Variants in QRFP observed in about 807,000 individuals in gnomAD.
QRFP encodes the protein orexigenic neuropeptide QRFP.
In QRFP, 7 loss-of-function variants were observed where a neutral mutation model predicts 9.1. That is an observed-to-expected ratio of 0.77 (90% CI 0.44 to 1.45). The LOEUF is 1.45. Ranked by LOEUF, QRFP falls within the 40% of genes most tolerant of loss-of-function variation. QRFP has a pLI of 0.01. For missense variants in QRFP, 204 were observed against 185.4 expected, an observed-to-expected ratio of 1.10 and a Z score of -0.58; for synonymous variants, 91 against 80.2, an observed-to-expected ratio of 1.13 and a Z score of -0.72.
Position 130,893,152 on chromosome 9 carries a change from A to T in QRFP, c.*276T>A. ...GCCTCAGCTCCGTGCCCCTGGGGCCAGGGGGCTGCTCGGAGTCAAAGCCCC... is the reference window on the plus strand; with the variant it reads ...GCCTCAGCTCCGTGCCCCTGGGGCCTGGGGGCTGCTCGGAGTCAAAGCCCC... On this transcript the variant is annotated 3_prime_UTR_variant, in exon 3 of 3. Transcript: ENST00000623824. 3.2e-6 allele frequency: 1 copy of T among 314,184 alleles called. No homozygotes were observed. Among genetic ancestry groups the T allele is most frequent in the Non-Finnish European group, 5.8e-6 (1 of 172,094 alleles). The allele number at this position is 314,184 out of a possible 1,614,324, so 19.5% of individuals were successfully genotyped here. A position where few individuals can be genotyped will look rare whatever the true frequency, so the allele number is the denominator to read the frequency against.
Position 130,893,357 on chromosome 9 carries a change from G to C in QRFP, c.*71C>G, listed in dbSNP as rs926151071. On this transcript the variant is annotated 3_prime_UTR_variant, in exon 3 of 3. Transcript: ENST00000623824. ...CTGGGTGTCGTGGTCTTTGAGACTGGGGGAGAAGGCAGGAGTGAAGACAAT... is the reference window on the plus strand; with the variant it reads ...CTGGGTGTCGTGGTCTTTGAGACTGCGGGAGAAGGCAGGAGTGAAGACAAT... 2 of 1,455,728 alleles carry C rather than the reference G, an allele frequency of 1.4e-6. No individual in the cohort carries two copies. Among genetic ancestry groups the C allele is most frequent in the African/African-American group, 1.4e-5 (1 of 70,524 alleles). The allele number at this position is 1,455,728 out of a possible 1,614,324, so 90.2% of individuals were successfully genotyped here.
At position 130,893,467 on chromosome 9, in the gene QRFP, C is replaced by T; in HGVS notation, c.372G>A (p.Arg124=). The T allele has an allele frequency of 1.3e-6, 2 of 1,592,544 alleles. No homozygotes were observed. Among genetic ancestry groups the T allele is most frequent in the Non-Finnish European group, 1.7e-6 (2 of 1,166,528 alleles). The stretch of plus-strand genomic sequence containing the variant: ...AGCGGAAGCTGAAGCCGCCTTTCTT[C>T]CTGCTGTAGCCATTGAGCTCCTCAG... ...NLAEELNGYS[R]KKGGFSFRFG... is the part of the protein sequence containing the mutation. The change falls in exon 3 of 3, where the codon AGG becomes AGA. Residue 124 remains arginine (R), a synonymous_variant. Transcript: ENST00000623824.
At position 130,893,651 on chromosome 9, in the gene QRFP, TG is replaced by T; in HGVS notation, c.187del (p.Gln63SerfsTer8). 5.0e-6 allele frequency: 8 copies of T among 1,602,990 alleles called. No homozygotes were observed. Among genetic ancestry groups the T allele is most frequent in the Non-Finnish European group, 6.8e-6 (8 of 1,173,336 alleles). On this transcript the variant is annotated frameshift_variant, in exon 3 of 3. Transcript: ENST00000623824. LOFTEE classifies it high-confidence loss of function. ...WGSSRWLRAS[Q>X]PQALLVIARG... is the part of the protein sequence containing the mutation. ...GGCTATGACAAGCAGGGCCTGTGGCTGTGAAGCTCTCAGCCACCGAGAGGAA... is the reference window on the plus strand; with the variant it reads ...GGCTATGACAAGCAGGGCCTGTGGCTTGAAGCTCTCAGCCACCGAGAGGAA...
rs1348813599 is a variant in QRFP at position 130,895,952 on chromosome 9, G to GTA, written c.-258_-257dup. 6.6e-6 allele frequency: 1 copy of GTA among 152,310 alleles called. No individual in the cohort carries two copies. Among genetic ancestry groups the GTA allele is most frequent in the Non-Finnish European group, 1.5e-5 (1 of 68,084 alleles). The allele number at this position is 152,310 out of a possible 1,614,324, so 9.4% of individuals were successfully genotyped here. ...TGATAAAAACAACCTCACACAGGAT[G>GTA]TAGTCTGATGAGAGGGCAGGCGGGC... is the stretch of plus-strand genomic sequence containing the variant. On this transcript the variant is annotated 5_prime_UTR_variant, in exon 2 of 3. The change creates a premature stop within an existing upstream ORF in the 5' untranslated region. Coordinates refer to ENST00000623824, the MANE Select transcript of QRFP (RefSeq NM_198180.3).
chr9:130,893,554 A>G lies in QRFP; in HGVS notation c.285T>C (p.Ser95=). Residue 95 remains serine (S), a synonymous_variant, in exon 3 of 3, where the codon AGT becomes AGC. Coordinates refer to ENST00000623824, the MANE Select transcript of QRFP (RefSeq NM_198180.3). ...RFRFGRQDEG[S]EATGFLPAAG... is the part of the protein sequence containing the mutation. ...CAGCAGGGAGGAAGCCGGTGGCCTC[A>G]CTGCCTTCGTCCTGCCTCCCGAAGC... is the stretch of plus-strand genomic sequence containing the variant. 4 of 1,612,824 alleles carry G rather than the reference A, an allele frequency of 2.5e-6. No homozygotes were observed. The highest frequency in any genetic ancestry group is 3.4e-6 in the Non-Finnish European group (4 of 1,179,812).
chr9:130,893,977 G>C, intron 2 of QRFP, 139 bp from the exon 3 acceptor site: 1 of 708,086 alleles, frequency 1.4e-6, no homozygotes, highest in Non-Finnish European at 2.2e-6. Context: ...GAGCAGTGCT[G>C]GGACTAGGCC....
chr9:130,894,980 G>C (rs1029461482), intron 2 of QRFP, among the ~76,000 whole-genome samples: 1 of 152,128 alleles, frequency 6.6e-6, no homozygotes, highest in African/African-American at 2.4e-5. Flanking sequence ...CAGTACAGGA[G>C]TCCCCAGAGC....
rs546720813 is a variant in QRFP at position 130,893,528 on chromosome 9, G to C, written c.311C>G (p.Ala104Gly). The C allele has an allele frequency of 1.9e-6, 3 of 1,612,362 alleles. No homozygotes were observed. Among genetic ancestry groups the C allele is most frequent in the African/African-American group, 1.3e-5 (1 of 75,028 alleles). The change falls in exon 3 of 3, where the codon GCG becomes GGG. Residue 104 changes from alanine (A) to glycine (G), a missense_variant. Coordinates refer to ENST00000623824, the MANE Select transcript of QRFP (RefSeq NM_198180.3). ...TAACGGGCCGCTGGTCTTCTCCCCC[G>C]CAGCAGGGAGGAAGCCGGTGGCCTC... Reference protein sequence around the residue: ...GSEATGFLPAAGEKTSGPLGN... With the variant: ...GSEATGFLPAGGEKTSGPLGN...
Position 130,893,261 on chromosome 9 carries a change from G to A in QRFP, c.*167C>T. 1 of 687,750 alleles carries A rather than the reference G, an allele frequency of 1.5e-6. No homozygotes were observed. The highest frequency in any genetic ancestry group is 3.0e-5 in the East Asian group (1 of 32,926). 42.6% of individuals were successfully genotyped at this position (687,750 alleles called of 1,614,324 possible). A position where few individuals can be genotyped will look rare whatever the true frequency, so the allele number is the denominator to read the frequency against. ...CCTAGTTTTTCGCTTCAGCAAAGTT[G>A]GAAATCAAAAGTAAGCACACACCTA... is the stretch of plus-strand genomic sequence containing the variant. On this transcript the variant is annotated 3_prime_UTR_variant, in exon 3 of 3. Coordinates refer to ENST00000623824, the MANE Select transcript of QRFP (RefSeq NM_198180.3).
chr9:130,894,944 C>T (rs569079955), intron 2 of QRFP, among the ~76,000 whole-genome samples: 1 of 152,164 alleles, frequency 6.6e-6, no homozygotes, highest in Non-Finnish European at 1.5e-5. Context: ...TGAGGCTAGA[C>T]TAGAGAGCAC....
chr9:130,893,819 A>AGG lies in QRFP; in HGVS notation c.18_19dup (p.Leu7ProfsTer2). The AGG allele has an allele frequency of 6.5e-7, 1 of 1,544,902 alleles. No homozygotes were observed. Among genetic ancestry groups the AGG allele is most frequent in the Non-Finnish European group, 8.7e-7 (1 of 1,145,942 alleles). ...CAGCGGCAGGAAGAGGAAGTAGATC[A>AGG]GGGGGTAAGGCCTTACCATCTGACC... On this transcript the variant is annotated frameshift_variant, in exon 3 of 3. Coordinates refer to ENST00000623824, the MANE Select transcript of QRFP (RefSeq NM_198180.3). LOFTEE classifies it high-confidence loss of function.
In QRFP at chr9:130,893,773, C is replaced by G. The variant is rs143429351; in HGVS notation, c.66G>C (p.Leu22=). ...FLPLGACFPL[L]DRREPTDAMG... is the part of the protein sequence containing the mutation. ...TGGCGTCTGTGGGCTCTCTTCTGTC[C>G]AGTAGAGGGAAGCAGGCGCCCAGCG... Residue 22 remains leucine (L), a synonymous_variant, in exon 3 of 3, where the codon CTG becomes CTC. Coordinates refer to ENST00000623824, the MANE Select transcript of QRFP (RefSeq NM_198180.3). 825 of 1,586,488 alleles carry G rather than the reference C, an allele frequency of 5.2e-4. 6 individuals are homozygous for G. The Middle Eastern group carries it at 0.011, about 21-fold the overall frequency.
At chr9:130,894,351 C>G (rs764828907) in intron 2 of QRFP, among the ~76,000 whole-genome samples, 37 of 152,150 alleles carry the variant, frequency 2.4e-4, no homozygotes, top group Non-Finnish European at 4.6e-4. Flanking sequence ...TGGTCCTGGC[C>G]TAATTCGGAC....
chr9:130,896,681 C>G lies in QRFP; in HGVS notation c.-390G>C, dbSNP rs556940147. 1 of 152,384 alleles carries G rather than the reference C, an allele frequency of 6.6e-6. No individual in the cohort carries two copies. Among genetic ancestry groups the G allele is most frequent in the East Asian group, 1.9e-4 (1 of 5,172 alleles). 9.4% of individuals were successfully genotyped at this position (152,384 alleles called of 1,614,324 possible). On this transcript the variant is annotated 5_prime_UTR_variant, in exon 1 of 3. Transcript: ENST00000623824. ...GCACTGGAATCTCGATCCTCCACTTCGGGGCTGAGCGCCCAGGTTCGGGCG... is the reference window on the plus strand; with the variant it reads ...GCACTGGAATCTCGATCCTCCACTTGGGGGCTGAGCGCCCAGGTTCGGGCG...
intron 2 of QRFP, among the ~76,000 whole-genome samples, chr9:130,895,489 A>G (rs1243186957): frequency 6.6e-6 from 1 of 152,252 alleles, no homozygotes; most frequent in Non-Finnish European, 1.5e-5. Context: ...GGACAGGAAA[A>G]GCACGGGTGA....
Position 130,893,183 on chromosome 9 carries a change from AAG to A in QRFP, c.*243_*244del, listed in dbSNP as rs1831707644. 8.2e-6 allele frequency: 3 copies of A among 368,084 alleles called. No homozygotes were observed. The highest frequency in any genetic ancestry group is 7.4e-5 in the South Asian group (1 of 13,428). The allele number at this position is 368,084 out of a possible 1,614,324, so 22.8% of individuals were successfully genotyped here. On this transcript the variant is annotated 3_prime_UTR_variant, in exon 3 of 3. Transcript: ENST00000623824. The stretch of plus-strand genomic sequence containing the variant: ...CTGCTCGGAGTCAAAGCCCCAGGGG[AAG>A]AGAGAGGCTGGGACGACCGAGGCTC...
intron 2 of QRFP, among the ~76,000 whole-genome samples, chr9:130,894,367 C>T (rs1831729596): frequency 6.6e-6 from 1 of 152,166 alleles, no homozygotes; most frequent in Non-Finnish European, 1.5e-5. Context: ...CGGACACCCA[C>T]CTGGGAAGGA....
In QRFP at chr9:130,893,077, C is replaced by T. The variant is rs1351440937; in HGVS notation, c.*351G>A. 2 of 205,018 alleles carry T rather than the reference C, an allele frequency of 9.8e-6. No individual in the cohort carries two copies. Among genetic ancestry groups the T allele is most frequent in the East Asian group, 1.2e-4 (1 of 8,170 alleles). The allele number at this position is 205,018 out of a possible 1,614,324, so 12.7% of individuals were successfully genotyped here. On this transcript the variant is annotated 3_prime_UTR_variant, in exon 3 of 3. Coordinates refer to ENST00000623824, the MANE Select transcript of QRFP (RefSeq NM_198180.3). The stretch of plus-strand genomic sequence containing the variant: ...ACAACTTTGATTACCCAACTGTAAG[C>T]ACTCAGCCCGCTGCCTCGCTCTGCT...
Position 130,893,577 on chromosome 9 carries a change from A to G in QRFP, c.262T>C (p.Phe88Leu). The change falls in exon 3 of 3, where the codon TTC becomes CTC. Residue 88 changes from phenylalanine (F) to leucine (L), a missense_variant. Physicochemically the swap from Phe to Leu is conservative, Grantham distance 22 (BLOSUM62 0). Transcript: ENST00000623824. ...GREHAGCRFRFGRQDEGSEAT... is the reference protein window; with the variant it reads ...GREHAGCRFRLGRQDEGSEAT... ...TCACTGCCTTCGTCCTGCCTCCCGA[A>G]GCGGAATCTGCAGCCAGCATGCTCT... 1 of 1,612,628 alleles carries G rather than the reference A, an allele frequency of 6.2e-7. No individual in the cohort carries two copies.
Sources: allele counts gnomAD v4.1 joint callset (sites outside exome capture counted in the v4.1 genomes callset), GRCh38; gene constraint gnomAD v4.1.1; transcripts MANE v1.5; gene names NCBI Gene and HGNC (gene_info 2026-07-23, HGNC 2026-07-21).